The following KIF6 variants were observed in gnomAD, a reference collection of about 807,000 sequenced individuals.
The protein encoded by KIF6 is kinesin family member 6.
In KIF6, 106 loss-of-function variants were observed where a neutral mutation model predicts 112.7. That is an observed-to-expected ratio of 0.94 (90% CI 0.80 to 1.11). The LOEUF is 1.11. KIF6 is among the 50% of genes least tolerant of loss of function. The pLI, the probability that KIF6 is intolerant of heterozygous loss-of-function variation, is 0.00. For missense variants in KIF6, 929 were observed against 964.0 expected, an observed-to-expected ratio of 0.96 and a Z score of 0.48; for synonymous variants, 339 against 339.9, an observed-to-expected ratio of 1.00 and a Z score of 0.03.
chr6:39,639,129 T>C (rs1405455043), intron 4 of KIF6, among the ~76,000 whole-genome samples: 1 of 152,126 alleles, frequency 6.6e-6, no homozygotes, highest in East Asian at 1.9e-4. Flanking sequence ...ATGATACATA[T>C]AATCTAGATA....
At chr6:39,423,925 T>C (rs1039205328) in intron 14 of KIF6, among the ~76,000 whole-genome samples, 26 of 152,172 alleles carry the variant, frequency 1.7e-4, no homozygotes, top group Non-Finnish European at 2.9e-5. Context: ...GTCCGCAGGC[T>C]AGTCCCCACA....
intron 3 of KIF6, among the ~76,000 whole-genome samples, chr6:39,672,423 T>C (rs1786877702): frequency 6.6e-6 from 1 of 152,238 alleles, no homozygotes; most frequent in African/African-American, 2.4e-5. Flanking sequence ...ATAACAATTA[T>C]TTGTTGAAAA....
At chr6:39,658,231 G>T (rs961690396) in intron 3 of KIF6, among the ~76,000 whole-genome samples, 1 of 152,054 alleles carries the variant, frequency 6.6e-6, no homozygotes, top group Non-Finnish European at 1.5e-5. Context: ...TATTTTAAAA[G>T]AACTATACAC....
chr6:39,463,926 T>C (rs1410978491), intron 13 of KIF6, among the ~76,000 whole-genome samples: 1 of 152,246 alleles, frequency 6.6e-6, no homozygotes, highest in African/African-American at 2.4e-5. Context: ...CACTGCTGTC[T>C]TTAAAATTTA....
At chr6:39,402,428 T>C (rs1768776319) in intron 15 of KIF6, among the ~76,000 whole-genome samples, 1 of 152,166 alleles carries the variant, frequency 6.6e-6, no homozygotes, top group Non-Finnish European at 1.5e-5. Context: ...TTTCTGGCTG[T>C]GCGGAACCTG....
At chr6:39,376,973 G>C (rs1766490958) in intron 16 of KIF6, among the ~76,000 whole-genome samples, 1 of 152,184 alleles carries the variant, frequency 6.6e-6, no homozygotes, top group Non-Finnish European at 1.5e-5. Flanking sequence ...CCCTTGCCTC[G>C]TGGTCCTGAA....
chr6:39,705,355 T>C (rs769595665), intron 3 of KIF6, among the ~76,000 whole-genome samples: 10 of 152,222 alleles, frequency 6.6e-5, no homozygotes, highest in African/African-American at 9.6e-5. Flanking sequence ...CAGGTGTCTA[T>C]ATAGCGTGAT....
chr6:39,562,462 T>G (rs1268768752), intron 10 of KIF6, among the ~76,000 whole-genome samples: 7 of 152,146 alleles, frequency 4.6e-5, no homozygotes, highest in Non-Finnish European at 5.9e-5. Flanking sequence ...GCATTCCAGA[T>G]AGGCCTTAGT....
intron 13 of KIF6, among the ~76,000 whole-genome samples, chr6:39,485,916 A>C (rs1775083063): frequency 1.3e-5 from 2 of 152,188 alleles, no homozygotes; most frequent in South Asian, 4.1e-4. Flanking sequence ...ATAGGTGTAT[A>C]TATTATCCCC....
Position 39,343,701 on chromosome 6 carries a change from G to C in KIF6, c.2428+8C>G. On this transcript the variant is annotated splice_region_variant and intron_variant, in intron 22 of 22. Coordinates refer to ENST00000287152, the MANE Select transcript of KIF6 (RefSeq NM_145027.6). This position sits in a 1 kb window ranked among gnomAD's most constrained non-coding sequence, Gnocchi z 4.1. ...CCCAGGAGGAGCCACCGAGGGAGGT[G>C]CACTTACATTGCTTCTGCAGAATGC... The C allele has an allele frequency of 6.3e-7, 1 of 1,593,048 alleles. No homozygotes were observed. The highest frequency in any genetic ancestry group is 8.6e-7 in the Non-Finnish European group (1 of 1,167,150).
At position 39,431,107 on chromosome 6, in the gene KIF6, C is replaced by G; in HGVS notation, c.1700G>C (p.Arg567Thr). 2.5e-6 allele frequency: 4 copies of G among 1,613,670 alleles called. No homozygotes were observed. The highest frequency in any genetic ancestry group is 3.4e-6 in the Non-Finnish European group (4 of 1,179,610). ...GATGGTAACGCTGTCAGCGTGGTCC[C>G]TCTTGAAGATTTCAAAAGCCTCCTG... ...GCQEAFEIFK[R>T]DHADSVTIDD... The change falls in exon 14 of 23, where the codon AGG (arginine) becomes ACG (threonine). Residue 567 changes from arginine (R) to threonine (T), a missense_variant. Around this residue, in one of 2 missense-constraint regions of KIF6, gnomAD observed 241 missense variants for 301.4 expected, o/e 0.80. Coordinates refer to ENST00000287152, the MANE Select transcript of KIF6 (RefSeq NM_145027.6).
intron 3 of KIF6, chr6:39,690,667 C>T (rs2113801436): frequency 6.6e-6 from 1 of 152,380 alleles, no homozygotes; most frequent in Middle Eastern, 3.3e-3. Context: ...TGTTATTGTC[C>T]AGGACAAGAG....
chr6:39,358,190 T>C (rs1012515416), intron 18 of KIF6, among the ~76,000 whole-genome samples: 3 of 152,252 alleles, frequency 2.0e-5, no homozygotes, highest in African/African-American at 7.2e-5. Context: ...TCCTGGAACG[T>C]GAGTGCATAC....
At chr6:39,672,335 A>C (rs1786867879) in intron 3 of KIF6, among the ~76,000 whole-genome samples, 1 of 152,180 alleles carries the variant, frequency 6.6e-6, no homozygotes, top group South Asian at 2.1e-4. Context: ...TGGTTTTGTT[A>C]TACGTTTTGC....
chr6:39,373,005 T>C (rs1172633072), intron 16 of KIF6, among the ~76,000 whole-genome samples: 1 of 152,186 alleles, frequency 6.6e-6, no homozygotes, highest in Non-Finnish European at 1.5e-5. Context: ...CCGAGGCCTT[T>C]CTTGGTCCGA....
At chr6:39,532,051 C>A (rs1019566490) in intron 13 of KIF6, among the ~76,000 whole-genome samples, 1 of 152,104 alleles carries the variant, frequency 6.6e-6, no homozygotes, top group African/African-American at 2.4e-5. Flanking sequence ...ACATTTCTAC[C>A]TTCACCCCCG....
At chr6:39,661,844 G>C (rs1226021891) in intron 3 of KIF6, among the ~76,000 whole-genome samples, 2 of 152,228 alleles carry the variant, frequency 1.3e-5, no homozygotes, top group East Asian at 3.9e-4. Context: ...GCAACCAGGA[G>C]CCATCTTTGA....
chr6:39,422,546 CAT>C (rs994720794), intron 14 of KIF6, among the ~76,000 whole-genome samples: 5 of 152,232 alleles, frequency 3.3e-5, no homozygotes, highest in African/African-American at 9.7e-5. Context: ...ACCCCACCCA[CAT>C]GTGTTCCTGA....
At chr6:39,463,329 C>A (rs77383239) in intron 13 of KIF6, among the ~76,000 whole-genome samples, 1 of 152,118 alleles carries the variant, frequency 6.6e-6, no homozygotes. Context: ...CCTCCAGCCT[C>A]ATCAATCCCA....
Sources: allele counts gnomAD v4.1 joint callset (sites outside exome capture counted in the v4.1 genomes callset), GRCh38; gene constraint gnomAD v4.1.1; regional missense constraint gnomAD v4.1.1; non-coding constraint Gnocchi (gnomAD v3.1); transcripts MANE v1.5; gene names NCBI Gene and HGNC (gene_info 2026-07-23, HGNC 2026-07-21).